The following DPEP1 variants were observed in gnomAD, a reference collection of about 807,000 sequenced individuals.
The protein encoded by DPEP1 is beta-lactamase.
DPEP1 carries 50 observed loss-of-function variants against 42.3 expected under a neutral mutation model. The ratio of observed to expected loss-of-function variants is 1.18; its 90% CI spans 0.94 to 1.50. DPEP1 has a LOEUF of 1.50. DPEP1 is among the 40% of genes most tolerant of loss of function. DPEP1 has a pLI of 0.00. For missense variants in DPEP1, 663 were observed against 553.0 expected (o/e 1.20, Z -1.99); for synonymous variants, 297 against 234.0 (o/e 1.27, Z -2.46).
chr16:89,616,723 C>A, intron 1 of DPEP1: 1 of 258,042 alleles, frequency 3.9e-6, no homozygotes. Context: ...TGCAAACGCA[C>A]GCTGGCAGGA....
At chr16:89,627,027 C>G (rs1410148788) in intron 1 of DPEP1, among the ~76,000 whole-genome samples, 3 of 149,188 alleles carry the variant, frequency 2.0e-5, no homozygotes, top group African/African-American at 7.4e-5. Context: ...TTTGGGAGGC[C>G]GAGGCGGGCG....
At chr16:89,639,795 C>A (rs1467512200), downstream of DPEP1, among the ~76,000 whole-genome samples, 1 of 152,076 alleles carries the variant, frequency 6.6e-6, no homozygotes, top group African/African-American at 2.4e-5. Context: ...AAGTAATTCT[C>A]CTGTCTCGGC....
chr16:89,614,668 G>T (rs563788460), intron 1 of DPEP1, among the ~76,000 whole-genome samples: 2 of 152,184 alleles, frequency 1.3e-5, no homozygotes, highest in Non-Finnish European at 2.9e-5. Flanking sequence ...GGTGGCGGGC[G>T]CCTGTAGTCC....
chr16:89,633,890 C>A (rs1407451559), intron 2 of DPEP1, among the ~76,000 whole-genome samples: 1 of 152,108 alleles, frequency 6.6e-6, no homozygotes, highest in Admixed American at 6.5e-5. Context: ...GGGCACAGCC[C>A]ACATTACAGG....
At chr16:89,640,024 C>T (rs2059732200), downstream of DPEP1, among the ~76,000 whole-genome samples, 1 of 152,198 alleles carries the variant, frequency 6.6e-6, no homozygotes, top group Admixed American at 6.5e-5. Context: ...GCGTGGCCCC[C>T]AGGCTCCCTC....
At chr16:89,635,832 C>T in intron 2 of DPEP1, 76 bp from the exon 3 acceptor site, 7 of 1,500,388 alleles carry the variant, frequency 4.7e-6, no homozygotes, top group Non-Finnish European at 6.2e-6. Flanking sequence ...GAGAGCAGCC[C>T]AGAGGCCAGG....
At position 89,635,775 on chromosome 16, in the gene DPEP1, C is replaced by T. The variant is rs193280461; in HGVS notation, c.105-133C>T. 1,285 of 1,252,982 alleles carry T rather than the reference C, an allele frequency of 1.0e-3. 1 individual carries two copies. Among genetic ancestry groups the T allele is most frequent in the Non-Finnish European group, 1.3e-3 (1,178 of 940,124 alleles). 77.6% of individuals were successfully genotyped at this position (1,252,982 alleles called of 1,614,324 possible). On this transcript the variant is annotated intron_variant, in intron 2 of 10. Transcript: ENST00000690203. The stretch of plus-strand genomic sequence containing the variant: ...GGTGGCCGGTGATATGTCACCCCCG[C>T]GGCCTAGACTTCAGTCCTGCGTCTG...
Position 89,638,033 on chromosome 16 carries a change from C to CGT in DPEP1, c.1066-16_1066-15dup. On this transcript the variant is annotated intron_variant, in intron 10 of 10. Coordinates refer to ENST00000690203, the MANE Select transcript of DPEP1 (RefSeq NM_001389466.1). ...CCACCAGCAGGCAGGCTGCCCCACCCGTGTCTGTCTGTCCCCAGGCCAGCA... is the reference window on the plus strand; with the variant it reads ...CCACCAGCAGGCAGGCTGCCCCACCCGTGTGTCTGTCTGTCCCCAGGCCAGCA... The CGT allele has an allele frequency of 6.2e-7, 1 of 1,611,180 alleles. No homozygotes were observed. The highest frequency in any genetic ancestry group is 8.5e-7 in the Non-Finnish European group (1 of 1,179,330).
rs1386617087 is a variant in DPEP1 at position 89,637,378 on chromosome 16, G to A, written c.766G>A (p.Val256Met). The change falls in exon 7 of 11, where the codon GTG becomes ATG. Residue 256 changes from valine (V) to methionine (M), a missense_variant and splice_region_variant. Physicochemically the swap from Val to Met is conservative, Grantham distance 21 (BLOSUM62 1). Transcript: ENST00000690203. ...CGTGCCTGACGACGTCCTGAGGCTG[G>A]TGGTGAGGGCCGAGGGGGCGACCTC... ...RNVPDDVLRL[V>M]KQTDSLVMVN... The A allele has an allele frequency of 1.2e-6, 2 of 1,612,334 alleles. No individual in the cohort carries two copies. Among genetic ancestry groups the A allele is most frequent in the East Asian group, 2.2e-5 (1 of 44,890 alleles).
downstream of DPEP1, among the ~76,000 whole-genome samples, chr16:89,641,092 T>C (rs1445504868): frequency 4.6e-5 from 7 of 152,210 alleles, no homozygotes; most frequent in Non-Finnish European, 5.9e-5. Flanking sequence ...CTTTAGTACT[T>C]TCACTAATTC....
chr16:89,617,005 C>G, intron 1 of DPEP1: 1 of 212,270 alleles, frequency 4.7e-6, no homozygotes, highest in Non-Finnish European at 9.8e-6. Context: ...GCTGGAGGTC[C>G]TGGGCAGGCC....
At chr16:89,613,556 AGAACACAGG>A (rs1567976794), upstream of DPEP1, 1 of 152,336 alleles carries the variant, frequency 6.6e-6, no homozygotes, top group Non-Finnish European at 1.5e-5. Context: ...CTACTTTCAG[AGAACACAGG>A]GTTCCTGCAG....
Position 89,637,503 on chromosome 16 carries a change from C to T in DPEP1, c.804C>T (p.Tyr268=). The change falls in exon 8 of 11, where the codon TAC becomes TAT. Residue 268 remains tyrosine, a synonymous_variant. Transcript: ENST00000690203. ...ACAGCCTGGTGATGGTGAACTTCTA[C>T]AACAATTACATTTCCTGCACCAACA... ...QTDSLVMVNF[Y]NNYISCTNKA... is the part of the protein sequence containing the mutation. The T allele has an allele frequency of 1.2e-6, 2 of 1,612,776 alleles. No homozygotes were observed. The highest frequency in any genetic ancestry group is 1.7e-6 in the Non-Finnish European group (2 of 1,179,950).
rs747468133 is a variant in DPEP1 at position 89,637,285 on chromosome 16, C to T, written c.673C>T (p.Gln225Ter). 1 of 1,612,728 alleles carries T rather than the reference C, an allele frequency of 6.2e-7. No homozygotes were observed. The highest frequency in any genetic ancestry group is 1.7e-5 in the Admixed American group (1 of 60,022). ...VSVATMKATLQLSRAPVIFSH... is the reference protein window; with the variant it reads ...VSVATMKATL ...TGTGGCCACCATGAAGGCCACCCTG[C>T]AGCTGTCCAGAGCCCCGGTCATCTT... The change falls in exon 7 of 11, where the codon CAG becomes TAG. Residue 225 changes from glutamine to a stop codon, truncating the protein, a stop_gained. Transcript: ENST00000690203. LOFTEE classifies it high-confidence loss of function.
rs536799132 is a variant in DPEP1 at position 89,636,346 on chromosome 16, G to A, written c.320G>A (p.Arg107His). Residue 107 changes from arginine to histidine, a missense_variant, in exon 4 of 11, where the codon CGC becomes CAC. Coordinates refer to ENST00000690203, the MANE Select transcript of DPEP1 (RefSeq NM_001389466.1). ...CTGGAGCAGATGGACGTGGTCCACC[G>A]CATGTGCCGGATGTACCCGGAGACC... ...RTLEQMDVVH[R>H]MCRMYPETFL... 8.7e-6 allele frequency: 14 copies of A among 1,612,574 alleles called. No individual in the cohort carries two copies. Among genetic ancestry groups the A allele is most frequent in the East Asian group, 6.7e-5 (3 of 44,876 alleles).
At chr16:89,618,300 T>C (rs949507224) in intron 1 of DPEP1, among the ~76,000 whole-genome samples, 1 of 152,178 alleles carries the variant, frequency 6.6e-6, no homozygotes, top group Admixed American at 6.5e-5. Flanking sequence ...CACTGTAGCT[T>C]AAACCTCCTG....
At chr16:89,635,330 G>T (rs1312125031) in intron 2 of DPEP1, among the ~76,000 whole-genome samples, 1 of 152,166 alleles carries the variant, frequency 6.6e-6, no homozygotes, top group Non-Finnish European at 1.5e-5. Context: ...TCTGATTGGA[G>T]TTTGGGTGCA....
At chr16:89,639,228 C>T (rs1285427194), downstream of DPEP1, among the ~76,000 whole-genome samples, 1 of 52,646 alleles carries the variant, frequency 1.9e-5, no homozygotes, top group Non-Finnish European at 3.7e-5. Flanking sequence ...ACACACCGCA[C>T]CCCTGCACGC....
intron 1 of DPEP1, among the ~76,000 whole-genome samples, chr16:89,614,607 A>T (rs2059363605): frequency 1.3e-5 from 2 of 152,138 alleles, no homozygotes; most frequent in Admixed American, 1.3e-4. Flanking sequence ...ATCCTGGCTA[A>T]CACGGTGAAA....
Sources: gnomAD v4.1 joint callset for allele counts (sites outside exome capture counted in the v4.1 genomes callset) on GRCh38, gnomAD v4.1.1 for gene constraint, MANE v1.5 for transcripts, NCBI Gene and HGNC (gene_info 2026-07-23, HGNC 2026-07-21) for gene names.